DAB2IP: variants seen among roughly 807,000 people sequenced by gnomAD.
DAB2IP encodes DAB2 interacting protein, also known as disabled homolog 2-interacting protein.
A neutral mutation model predicts 107.2 loss-of-function variants in DAB2IP; 28 were observed. The observed-to-expected ratio is 0.26, with a 90% CI of 0.19 to 0.36. The LOEUF (loss-of-function observed/expected upper bound fraction) is 0.36, where lower values mean the gene tolerates loss of function less well. Among genes scored for constraint, DAB2IP ranks in the 10% least tolerant of loss-of-function variants. The pLI, the probability that DAB2IP is intolerant of heterozygous loss-of-function variation, is 1.00. For missense variants in DAB2IP, 1,400 were observed against 1,644.7 expected (o/e 0.85, Z 2.57); for synonymous variants, 755 against 706.4 (o/e 1.07, Z -1.09).
At chr9:121,687,025 C>T (rs1347897976) in intron 2 of DAB2IP, among the ~76,000 whole-genome samples, 5 of 152,018 alleles carry the variant, frequency 3.3e-5, no homozygotes, top group Non-Finnish European at 7.4e-5. Flanking sequence ...GAGGTGTCTG[C>T]GCAGGGTGGT....
Position 121,749,247 on chromosome 9 carries a change from G to T in DAB2IP, c.363-7766G>T, listed in dbSNP as rs937130319. Among the ~76,000 whole-genome samples, 4 of 152,352 alleles carry T rather than the reference G, an allele frequency of 2.6e-5. No homozygotes were observed. In the East Asian group the frequency reaches 7.7e-4, roughly 29 times the overall value. Reference sequence around the variant, plus strand: ...GGAGAGAGCTCTGCTGGACATACTAGGCAGGGCGCTGCCCTGTTTATGTCC... The same window carrying T: ...GGAGAGAGCTCTGCTGGACATACTATGCAGGGCGCTGCCCTGTTTATGTCC... On this transcript the variant is annotated intron_variant, in intron 3 of 15. Transcript: ENST00000408936.
At chr9:121,716,936 G>A (rs1050523672) in intron 3 of DAB2IP, among the ~76,000 whole-genome samples, 4 of 152,218 alleles carry the variant, frequency 2.6e-5, no homozygotes, top group African/African-American at 9.6e-5. Context: ...GATGAGTAGT[G>A]AGTGGGAACT....
intron 1 of DAB2IP, among the ~76,000 whole-genome samples, chr9:121,613,269 G>A (rs1256051552): frequency 1.3e-5 from 2 of 152,164 alleles, no homozygotes; most frequent in Non-Finnish European, 2.9e-5. Context: ...GTTGTTTTTA[G>A]CTTGGGACCC....
chr9:121,629,771 G>C (rs1831804613), intron 1 of DAB2IP, among the ~76,000 whole-genome samples: 1 of 152,168 alleles, frequency 6.6e-6, no homozygotes, highest in African/African-American at 2.4e-5. Flanking sequence ...ACTGAGGCAG[G>C]TGGGTGGAGA....
intron 6 of DAB2IP, among the ~76,000 whole-genome samples, chr9:121,762,207 G>T (rs1833945167): frequency 6.6e-6 from 1 of 152,204 alleles, no homozygotes; most frequent in Non-Finnish European, 1.5e-5. Context: ...CTGGCCCCAG[G>T]TGGCTGTGTG....
chr9:121,604,485 G>A (rs1029609032), intron 1 of DAB2IP, among the ~76,000 whole-genome samples: 12 of 152,102 alleles, frequency 7.9e-5, no homozygotes, highest in African/African-American at 2.2e-4. Flanking sequence ...TGGCAAACAC[G>A]GCCCCATGTC....
At chr9:121,742,881 A>T in intron 3 of DAB2IP, 2 of 985,420 alleles carry the variant, frequency 2.0e-6, no homozygotes, top group Non-Finnish European at 2.4e-6. Flanking sequence ...CAGGGTTCTG[A>T]GGCTCAAACT....
rs533653042 is a variant in DAB2IP at position 121,781,515 on chromosome 9, G to A, written c.3366G>A (p.Ala1122=). 75 of 1,614,062 alleles carry A rather than the reference G, an allele frequency of 4.6e-5. 1 individual carries two copies. In the Admixed American group the frequency reaches 7.0e-4, roughly 15 times the overall value. Reference sequence around the variant, plus strand: ...AGAAGGACCACGCAGAGATGCAAGCGGCTGTGGACTCCAAACAGAAGATCA... The same window carrying A: ...AGAAGGACCACGCAGAGATGCAAGCAGCTGTGGACTCCAAACAGAAGATCA... Residue 1122 remains alanine, a synonymous_variant, in exon 15 of 16, where the codon GCG becomes GCA. Coordinates refer to ENST00000408936, the Ensembl canonical transcript of DAB2IP.
chr9:121,572,739 T>C (rs1829974998), intron 1 of DAB2IP, among the ~76,000 whole-genome samples: 1 of 151,810 alleles, frequency 6.6e-6, no homozygotes, highest in Admixed American at 6.6e-5. Context: ...GGCAAAACAG[T>C]GTGAGGCTGG....
intron 1 of DAB2IP, among the ~76,000 whole-genome samples, chr9:121,616,268 C>T (rs1387928178): frequency 6.6e-6 from 1 of 152,210 alleles, no homozygotes; most frequent in Non-Finnish European, 1.5e-5. Context: ...CTTCTCCTGC[C>T]TTTCTGGGGG....
exon 10 of DAB2IP, chr9:121,768,471 G>A: frequency 6.2e-7 from 1 of 1,614,206 alleles, no homozygotes; most frequent in South Asian, 1.1e-5. Context: ...TCATGAACCA[G>A]TTCCTAGAGC....
intron 3 of DAB2IP, among the ~76,000 whole-genome samples, chr9:121,741,896 G>A (rs891097666): frequency 6.6e-6 from 1 of 151,652 alleles, no homozygotes; most frequent in Non-Finnish European, 1.5e-5. Context: ...GAAACAGAGA[G>A]GCCTAGGGAG....
At chr9:121,709,361 C>G (rs35902353) in intron 3 of DAB2IP, among the ~76,000 whole-genome samples, 4,626 of 152,072 alleles carry the variant, frequency 0.03, 107 homozygotes, top group Non-Finnish European at 0.048. Context: ...GCTGTGATAG[C>G]CCCACCCACT....
At chr9:121,646,577 G>A (rs986901598) in intron 1 of DAB2IP, among the ~76,000 whole-genome samples, 5 of 149,736 alleles carry the variant, frequency 3.3e-5, no homozygotes, top group South Asian at 2.1e-4. Flanking sequence ...CCTGGGAGGC[G>A]GATGTGTGCA....
chr9:121,603,818 T>C (rs1830772303), intron 1 of DAB2IP, among the ~76,000 whole-genome samples: 1 of 152,206 alleles, frequency 6.6e-6, no homozygotes, highest in South Asian at 2.1e-4. Context: ...GGGCTCTGTC[T>C]GCATTTCCTG....
intron 1 of DAB2IP, among the ~76,000 whole-genome samples, chr9:121,569,307 G>A (rs575048103): frequency 6.6e-6 from 1 of 152,334 alleles, no homozygotes; most frequent in African/African-American, 2.4e-5. Flanking sequence ...ATCAAACTTT[G>A]TGACTTTCCT....
intron 1 of DAB2IP, among the ~76,000 whole-genome samples, chr9:121,572,784 GC>G (rs1829977771): frequency 1.3e-5 from 2 of 151,190 alleles, no homozygotes; most frequent in South Asian, 2.1e-4. Context: ...TCGTACAGGA[GC>G]GGGGGTTGGG....
At chr9:121,738,125 G>T (rs1192204632) in intron 3 of DAB2IP, among the ~76,000 whole-genome samples, 1 of 152,332 alleles carries the variant, frequency 6.6e-6, no homozygotes, top group East Asian at 1.9e-4. Context: ...TGGAAGGTGG[G>T]TGTCCAGCGG....
rs73661799 is a variant in DAB2IP, at chr9:121,634,130, A to C, written c.41-44548A>C. 4.7e-3 allele frequency among the ~76,000 whole-genome samples: 713 copies of C among 152,238 alleles called. 6 individuals are homozygous for C. The highest frequency in any genetic ancestry group is 0.016 in the African/African-American group (658 of 41,542). On this transcript the variant is annotated intron_variant, in intron 1 of 16. Coordinates refer to the DAB2IP transcript ENST00000259371. The surrounding 1 kb of genome is among the most constrained non-coding windows in gnomAD (Gnocchi z 4.7). ...AGGACACAAAGGGACACAGTTCTTG[A>C]AGGGTCCTCCAGAGACCATGCCATG...
Sources: gnomAD v4.1 joint callset for allele counts (sites outside exome capture counted in the v4.1 genomes callset) on GRCh38, gnomAD v4.1.1 for gene constraint, Gnocchi (gnomAD v3.1) non-coding constraint, MANE v1.5 for transcripts, NCBI Gene and HGNC (gene_info 2026-07-23, HGNC 2026-07-21) for gene names.